PIK3R4: variants seen among roughly 807,000 people sequenced by gnomAD.
PIK3R4 encodes the protein phosphoinositide-3-kinase regulatory subunit 4.
PIK3R4 carries 46 observed loss-of-function variants against 136.5 expected under a neutral mutation model. The ratio of observed to expected loss-of-function variants is 0.34; its 90% CI spans 0.27 to 0.43. The LOEUF is 0.43. Ranked by LOEUF, PIK3R4 falls within the 20% of genes least tolerant of loss-of-function variation. The pLI is 1.00. For synonymous variants in PIK3R4, 557 were observed against 566.7 expected (o/e 0.98, Z 0.24); for missense variants, 1,331 against 1,649.5 (o/e 0.81, Z 3.35).
intron 13 of PIK3R4, among the ~76,000 whole-genome samples, chr3:130,701,782 G>A (rs144078574): frequency 3.9e-4 from 59 of 151,910 alleles, no homozygotes; most frequent in East Asian, 1.4e-3. Context: ...TTAATGATGC[G>A]CATGCTGAAC....
chr3:130,709,461 C>T (rs2066622795), intron 9 of PIK3R4, among the ~76,000 whole-genome samples: 1 of 151,974 alleles, frequency 6.6e-6, no homozygotes, highest in South Asian at 2.1e-4. Context: ...TAAAACCAAC[C>T]CTAGGAGGGC....
intron 13 of PIK3R4, among the ~76,000 whole-genome samples, chr3:130,695,934 T>C (rs2066543445): frequency 6.6e-6 from 1 of 151,898 alleles, no homozygotes; most frequent in Admixed American, 6.6e-5. Flanking sequence ...TTGTGGGAGG[T>C]TTTTTGATTA....
At chr3:130,732,870 T>C (rs2066766407) in intron 4 of PIK3R4, among the ~76,000 whole-genome samples, 1 of 151,648 alleles carries the variant, frequency 6.6e-6, no homozygotes, top group Admixed American at 6.6e-5. Flanking sequence ...CTGATTTCTA[T>C]CAGATTATAT....
intron 3 of PIK3R4, among the ~76,000 whole-genome samples, chr3:130,734,998 C>A (rs945420759): frequency 6.6e-5 from 10 of 152,126 alleles, no homozygotes; most frequent in African/African-American, 2.4e-4. Flanking sequence ...AAATTCACTT[C>A]TTTCGCAGTT....
intron 8 of PIK3R4, among the ~76,000 whole-genome samples, chr3:130,717,864 A>G (rs910482341): frequency 6.6e-6 from 1 of 152,224 alleles, no homozygotes; most frequent in Non-Finnish European, 1.5e-5. Context: ...AATCTAGGTG[A>G]ATAATATTTG....
intron 19 of PIK3R4, among the ~76,000 whole-genome samples, chr3:130,679,777 T>TATA (rs2066444375): frequency 6.6e-6 from 1 of 152,078 alleles, no homozygotes; most frequent in Non-Finnish European, 1.5e-5. Context: ...AGGGATAGAA[T>TATA]ATAATTAAAA....
chr3:130,735,448 ATTTGC>A (rs1343667479), intron 3 of PIK3R4, among the ~76,000 whole-genome samples: 1 of 152,156 alleles, frequency 6.6e-6, no homozygotes, highest in Admixed American at 6.5e-5. Flanking sequence ...ATACAAAGCT[ATTTGC>A]TTCTATATGC....
chr3:130,718,574 TTC>T, intron 7 of PIK3R4, 40 bp from the exon 8 acceptor site: 5 of 1,607,082 alleles, frequency 3.1e-6, no homozygotes, highest in Non-Finnish European at 4.3e-6. Flanking sequence ...AATAAGTTAT[TTC>T]AAACTATCGG....
At chr3:130,687,114 G>A (rs2066494689) in intron 14 of PIK3R4, among the ~76,000 whole-genome samples, 1 of 148,878 alleles carries the variant, frequency 6.7e-6, no homozygotes, top group South Asian at 2.1e-4. Context: ...TATACATAAT[G>A]AGGTATCTTG....
chr3:130,722,599 TAATAG>T (rs1292405194), intron 7 of PIK3R4, among the ~76,000 whole-genome samples: 2 of 152,298 alleles, frequency 1.3e-5, no homozygotes, highest in African/African-American at 2.4e-5. Flanking sequence ...TGTGAAATTA[TAATAG>T]AATAAACATA....
chr3:130,732,438 C>T (rs1226731483), intron 4 of PIK3R4, among the ~76,000 whole-genome samples: 6 of 151,588 alleles, frequency 4.0e-5, no homozygotes, highest in Admixed American at 6.6e-5. Flanking sequence ...GTTTTTAAAA[C>T]TGATAAACTT....
At chr3:130,733,451 A>G (rs2066769405) in intron 4 of PIK3R4, 97 bp downstream of exon 4, 2 of 747,444 alleles carry the variant, frequency 2.7e-6, no homozygotes, top group African/African-American at 1.8e-5. Flanking sequence ...CAAAGTTCAT[A>G]CTTGCAATTC....
chr3:130,682,560 C>G (rs2066465587), intron 16 of PIK3R4, among the ~76,000 whole-genome samples: 1 of 152,102 alleles, frequency 6.6e-6, no homozygotes. Context: ...GGAAGAAAGT[C>G]AAGTCATTCA....
In PIK3R4 at chr3:130,739,093, T is replaced by C. The variant is rs181086717; in HGVS notation, c.734-3091A>G. On this transcript the variant is annotated intron_variant, in intron 2 of 19. Coordinates refer to ENST00000356763, the MANE Select transcript of PIK3R4 (RefSeq NM_014602.3). ...TGTTTTTTTGTTTTGTTTTGTTTTTTTGAGACGGAGTCTCACTCTTTCACC... is the reference window on the plus strand; with the variant it reads ...TGTTTTTTTGTTTTGTTTTGTTTTTCTGAGACGGAGTCTCACTCTTTCACC... Among the ~76,000 whole-genome samples, 148 of 152,370 alleles carry C rather than the reference T, an allele frequency of 9.7e-4. 1 individual carries two copies. The highest frequency in any genetic ancestry group is 6.8e-3 in the Middle Eastern group (2 of 294).
chr3:130,709,887 C>A (rs986588941), intron 9 of PIK3R4, among the ~76,000 whole-genome samples: 1 of 152,060 alleles, frequency 6.6e-6, no homozygotes, highest in Non-Finnish European at 1.5e-5. Flanking sequence ...AAAATAACTG[C>A]TAATGGATAC....
chr3:130,686,322 C>G lies in PIK3R4; in HGVS notation c.3364G>C (p.Val1122Leu), dbSNP rs150183567. The change falls in exon 15 of 20, where the codon GTT becomes CTT. Residue 1122 changes from valine to leucine, a missense_variant. Around this residue, in one of 2 missense-constraint regions of PIK3R4, gnomAD observed 1,180 missense variants for 1,407.0 expected, o/e 0.84. Coordinates refer to ENST00000356763, the MANE Select transcript of PIK3R4 (RefSeq NM_014602.3). The stretch of plus-strand genomic sequence containing the variant: ...CTTGAAGACCTAAGGTCCCAGCCAA[C>G]CAGAGAGCCATTCACAGTGGCATAG... Reference protein sequence around the residue: ...LAYATVNGSLVGWDLRSSSNA... With the variant: ...LAYATVNGSLLGWDLRSSSNA... 3 of 1,613,336 alleles carry G rather than the reference C, an allele frequency of 1.9e-6. No individual in the cohort carries two copies. Among genetic ancestry groups the G allele is most frequent in the Middle Eastern group, 3.3e-4 (2 of 6,060 alleles).
chr3:130,745,175 G>C lies in PIK3R4; in HGVS notation c.44C>G (p.Ser15Cys). 1 of 1,610,320 alleles carries C rather than the reference G, an allele frequency of 6.2e-7. No individual in the cohort carries two copies. Among genetic ancestry groups the C allele is most frequent in the Non-Finnish European group, 8.5e-7 (1 of 1,179,650 alleles). The change falls in exon 2 of 20, where the codon TCT becomes TGT. Residue 15 changes from serine to cysteine, a missense_variant. By Grantham distance (112) the Ser-to-Cys change is moderately radical (BLOSUM62 -1). Coordinates refer to ENST00000356763, the MANE Select transcript of PIK3R4 (RefSeq NM_014602.3). ...LAGIAPSQIL[S>C]VESYFSDIHD... ...AATATCTGAAAAATAACTCTCTACA[G>C]AAAGGATCTGGGAGGGAGCAATGCC...
intron 2 of PIK3R4, among the ~76,000 whole-genome samples, chr3:130,738,068 A>C (rs1288941448): frequency 2.0e-5 from 3 of 152,208 alleles, no homozygotes; most frequent in African/African-American, 7.2e-5. Context: ...CCAGCAACTA[A>C]GTTCCTAACA....
chr3:130,708,565 A>G (rs1268657769), intron 9 of PIK3R4, 73 bp from the exon 10 acceptor site: 10 of 1,296,858 alleles, frequency 7.7e-6, no homozygotes, highest in Middle Eastern at 2.0e-4. Flanking sequence ...AATGACTAAC[A>G]ACTGAAGGGA....
Sources: gnomAD v4.1 joint callset for allele counts (sites outside exome capture counted in the v4.1 genomes callset) on GRCh38, gnomAD v4.1.1 for gene constraint, gnomAD v4.1.1 regional missense constraint, MANE v1.5 for transcripts, NCBI Gene and HGNC (gene_info 2026-07-23, HGNC 2026-07-21) for gene names.